The following NT5M variants were observed in gnomAD, a reference collection of about 807,000 sequenced individuals.
The protein encoded by NT5M is 5',3'-nucleotidase, mitochondrial.
In NT5M, 22 loss-of-function variants were observed where a neutral mutation model predicts 22.2. The ratio of observed to expected loss-of-function variants is 0.99; its 90% CI spans 0.71 to 1.41. The LOEUF (loss-of-function observed/expected upper bound fraction) is 1.41. NT5M is among the 40% of genes most tolerant of loss of function. The pLI is 0.00. For synonymous variants in NT5M, 167 were observed against 133.0 expected (o/e 1.26, Z -1.76); for missense variants, 322 against 314.8 (o/e 1.02, Z -0.17).
intron 2 of NT5M, among the ~76,000 whole-genome samples, chr17:17,312,644 CAAA>C (rs35712658): frequency 9.3e-6 from 1 of 107,362 alleles, no homozygotes; most frequent in Non-Finnish European, 1.8e-5. Flanking sequence ...AACTCCATCT[CAAA>C]AAAAAAAAAA....
intron 2 of NT5M, among the ~76,000 whole-genome samples, chr17:17,317,090 C>T (rs572945053): frequency 4.0e-5 from 6 of 149,458 alleles, no homozygotes; most frequent in African/African-American, 1.5e-4. Flanking sequence ...CGCTCTGTCG[C>T]CCAGGCTGGA....
At chr17:17,341,564 C>G (rs888476553) in intron 3 of NT5M, among the ~76,000 whole-genome samples, 1 of 152,178 alleles carries the variant, frequency 6.6e-6, no homozygotes, top group African/African-American at 2.4e-5. Context: ...AGATGCTGTC[C>G]TTATCCCTGT....
At chr17:17,311,844 G>A (rs1343171942) in intron 2 of NT5M, among the ~76,000 whole-genome samples, 3 of 152,284 alleles carry the variant, frequency 2.0e-5, no homozygotes, top group Admixed American at 1.3e-4. Context: ...TTGATGTATC[G>A]TGTTCCTGTA....
intron 2 of NT5M, among the ~76,000 whole-genome samples, chr17:17,308,613 G>A (rs1158645280): frequency 2.6e-5 from 4 of 151,536 alleles, no homozygotes; most frequent in Non-Finnish European, 4.4e-5. Flanking sequence ...GAGACATACC[G>A]TGCAGTCCAC....
intron 2 of NT5M, among the ~76,000 whole-genome samples, chr17:17,315,005 G>A (rs1004084136): frequency 6.6e-6 from 1 of 152,130 alleles, no homozygotes; most frequent in Non-Finnish European, 1.5e-5. Context: ...GCTCCCTGAG[G>A]TCAGGGATTG....
intron 2 of NT5M, among the ~76,000 whole-genome samples, chr17:17,308,995 C>T (rs1012180174): frequency 2.6e-5 from 4 of 152,102 alleles, no homozygotes; most frequent in African/African-American, 9.7e-5. Flanking sequence ...GTATGGACTA[C>T]ATGTATTGAT....
chr17:17,332,181 G>T (rs1273222844), intron 3 of NT5M, among the ~76,000 whole-genome samples: 1 of 152,166 alleles, frequency 6.6e-6, no homozygotes, highest in African/African-American at 2.4e-5. Context: ...CATCTGAGTG[G>T]AGCAGGACTC....
At chr17:17,311,370 TTCCATTTAGGCCTATGA>T (rs2048919320) in intron 2 of NT5M, among the ~76,000 whole-genome samples, 1 of 151,942 alleles carries the variant, frequency 6.6e-6, no homozygotes, top group South Asian at 2.1e-4. Flanking sequence ...GTTTTAGCTC[TTCCATTTAGGCCTATGA>T]TCCATTTTGA....
intron 3 of NT5M, among the ~76,000 whole-genome samples, chr17:17,329,837 T>C (rs970692458): frequency 2.0e-5 from 3 of 151,992 alleles, no homozygotes; most frequent in Non-Finnish European, 4.4e-5. Context: ...CCAGGCGTGC[T>C]GATGTGTGCC....
In NT5M at chr17:17,344,830, C is replaced by G. The variant is rs1261831090; in HGVS notation, c.466C>G (p.Leu156Val). 6.2e-7 allele frequency: 1 copy of G among 1,614,224 alleles called. No individual in the cohort carries two copies. Residue 156 changes from leucine to valine, a missense_variant, in exon 4 of 5, where the codon CTG becomes GTG. Coordinates refer to ENST00000389022, the MANE Select transcript of NT5M (RefSeq NM_020201.4). The stretch of plus-strand genomic sequence containing the variant: ...GGAGAAGTACTTTGGCCCTGACTTT[C>G]TGGAGCAGATTGTGCTGACCAGAGA... Reference protein sequence around the residue: ...WVEKYFGPDFLEQIVLTRDKT... With the variant: ...WVEKYFGPDFVEQIVLTRDKT...
chr17:17,306,407 T>C, intron 1 of NT5M, 136 bp from the exon 2 acceptor site: 1 of 693,534 alleles, frequency 1.4e-6, no homozygotes, highest in Non-Finnish European at 2.6e-6. Flanking sequence ...CCCCAGGAAG[T>C]ACGTCCTTGG....
chr17:17,305,723 C>A (rs1451914799), intron 1 of NT5M, among the ~76,000 whole-genome samples: 6 of 152,068 alleles, frequency 3.9e-5, no homozygotes, highest in Non-Finnish European at 8.8e-5. Flanking sequence ...TGTGTCTCCC[C>A]TCTGGTTGTC....
intron 3 of NT5M, among the ~76,000 whole-genome samples, chr17:17,330,394 T>TC (rs2049353451): frequency 1.3e-5 from 2 of 150,042 alleles, no homozygotes; most frequent in African/African-American, 4.9e-5. Flanking sequence ...TTTTTTTTTT[T>TC]GACAGAGTTT....
intron 3 of NT5M, among the ~76,000 whole-genome samples, chr17:17,333,914 A>C (rs2145410419): frequency 6.6e-6 from 1 of 150,454 alleles, no homozygotes; most frequent in Non-Finnish European, 1.5e-5. Context: ...GCTCATTGCA[A>C]ACTCCACCTC....
At chr17:17,314,956 T>C (rs955298842) in intron 2 of NT5M, among the ~76,000 whole-genome samples, 1 of 152,122 alleles carries the variant, frequency 6.6e-6, no homozygotes, top group African/African-American at 2.4e-5. Context: ...TAAGCTGAAA[T>C]TGCATGTCTG....
intron 3 of NT5M, among the ~76,000 whole-genome samples, chr17:17,344,406 A>G (rs752234821): frequency 6.6e-6 from 1 of 151,992 alleles, no homozygotes; most frequent in Non-Finnish European, 1.5e-5. Context: ...AACAGTACGC[A>G]CTGCCCACAT....
intron 3 of NT5M, among the ~76,000 whole-genome samples, chr17:17,329,388 A>C (rs1467787001): frequency 6.6e-6 from 1 of 152,190 alleles, no homozygotes; most frequent in Non-Finnish European, 1.5e-5. Context: ...TTCAGAGCCC[A>C]TGCTCTGCTC....
At chr17:17,343,255 G>A (rs2049685790) in intron 3 of NT5M, among the ~76,000 whole-genome samples, 1 of 152,076 alleles carries the variant, frequency 6.6e-6, no homozygotes, top group South Asian at 2.1e-4. Context: ...GTGTGTGTGT[G>A]TGCATGTGTG....
intron 3 of NT5M, among the ~76,000 whole-genome samples, chr17:17,325,533 A>G (rs1011592336): frequency 2.6e-5 from 4 of 152,138 alleles, no homozygotes; most frequent in African/African-American, 9.7e-5. Flanking sequence ...TCTCATTGCC[A>G]GCATCTTGGC....
Sources: allele counts gnomAD v4.1 joint callset (sites outside exome capture counted in the v4.1 genomes callset), GRCh38; gene constraint gnomAD v4.1.1; transcripts MANE v1.5; gene names NCBI Gene and HGNC (gene_info 2026-07-23, HGNC 2026-07-21).